ZFHX3: variants seen among roughly 807,000 people sequenced by gnomAD.
ZFHX3 encodes zinc finger homeobox 3.
A neutral mutation model predicts 279.1 loss-of-function variants in ZFHX3; 42 were observed. The observed-to-expected ratio is 0.15, with a 90% CI of 0.12 to 0.19. The LOEUF is 0.19. Ranked by LOEUF, ZFHX3 falls within the 10% of genes least tolerant of loss-of-function variation. ZFHX3 has a pLI of 1.00. For synonymous variants in ZFHX3, 2,293 were observed against 1,957.8 expected (o/e 1.17, Z -4.52); for missense variants, 4,981 against 4,754.0 (o/e 1.05, Z -1.40).
intron 2 of ZFHX3, among the ~76,000 whole-genome samples, chr16:72,952,034 T>C (rs151023397): frequency 6.6e-6 from 1 of 152,222 alleles, no homozygotes; most frequent in African/African-American, 2.4e-5. Context: ...GCAGATCACC[T>C]GAGCTTAGGA....
At chr16:73,803,664 T>C (rs1960197194) in intron 1 of ZFHX3, among the ~76,000 whole-genome samples, 1 of 152,236 alleles carries the variant, frequency 6.6e-6, no homozygotes. Context: ...TGGGTGTCTA[T>C]ATTTTGTTAG....
At chr16:73,557,094 CAA>C (rs397766441) in intron 2 of ZFHX3, among the ~76,000 whole-genome samples, 65 of 68,526 alleles carry the variant, frequency 9.5e-4, no homozygotes, top group African/African-American at 4.6e-3. Context: ...GACTCCGTCT[CAA>C]AAAAAAAAAA....
At chr16:73,093,043 C>T (rs1359546029) in intron 8 of ZFHX3, 1 of 519,942 alleles carries the variant, frequency 1.9e-6, no homozygotes, top group East Asian at 5.5e-5. Context: ...TTTCAAACAT[C>T]TCTCTAACAT....
chr16:73,450,162 G>A (rs1427688956), intron 3 of ZFHX3, among the ~76,000 whole-genome samples: 3 of 152,084 alleles, frequency 2.0e-5, no homozygotes, highest in African/African-American at 7.2e-5. Context: ...TGTTTGCTGG[G>A]GGTGAAGGTA....
At chr16:73,883,710 T>C (rs2030254047) in intron 1 of ZFHX3, among the ~76,000 whole-genome samples, 1 of 151,846 alleles carries the variant, frequency 6.6e-6, no homozygotes, top group Non-Finnish European at 1.5e-5. Flanking sequence ...TGAATATTTT[T>C]ATAAAAAAGA....
rs148024459 is a variant in ZFHX3, at chr16:72,957,445, C to A, written c.2701G>T (p.Ala901Ser). The change falls in exon 2 of 10, where the codon GCC becomes TCC. Residue 901 changes from alanine to serine, a missense_variant. This residue lies in a region of ZFHX3 where 1,751 missense variants were observed against 1,770.0 expected (regional missense o/e 0.99). Transcript: ENST00000268489. ...FQLDPAGPMA[A>S]MTPALVGGEI... ...TCCTCACCTAGAGCAGGCGTCATGG[C>A]GGCCATGGGCCCGGCGGGATCCAGC... The A allele has an allele frequency of 1.6e-5, 25 of 1,609,870 alleles. No individual in the cohort carries two copies. The Admixed American group carries it at 2.9e-4, about 18-fold the overall frequency.
At position 72,889,831 on chromosome 16, in the gene ZFHX3, C is replaced by G. The variant is rs1567567385; in HGVS notation, c.3348G>C (p.Glu1116Asp). ...HVRSMKHQRS[E>D]SLRKLQRLQK... ...GCAGCCGCTGCAGCTTTCGCAGGCT[C>G]TCGCTTCGCTGGTGCTTCATGGAGC... Residue 1116 changes from glutamate to aspartate, a missense_variant, in exon 4 of 10, where the codon GAG becomes GAC. Physicochemically the swap from Glu to Asp is conservative, Grantham distance 45. Coordinates refer to ENST00000268489, the MANE Select transcript of ZFHX3 (RefSeq NM_006885.4). The G allele has an allele frequency of 1.9e-6, 3 of 1,614,066 alleles. No homozygotes were observed. In the East Asian group the frequency reaches 6.7e-5, roughly 36 times the overall value.
At chr16:73,130,244 T>C (rs1966653863) in intron 7 of ZFHX3, among the ~76,000 whole-genome samples, 1 of 152,084 alleles carries the variant, frequency 6.6e-6, no homozygotes, top group Non-Finnish European at 1.5e-5. Context: ...TGGAAAATTT[T>C]TGGTGGAGGG....
At chr16:73,140,478 G>A (rs981252392) in intron 6 of ZFHX3, among the ~76,000 whole-genome samples, 1 of 152,046 alleles carries the variant, frequency 6.6e-6, no homozygotes, top group African/African-American at 2.4e-5. Flanking sequence ...CTGGAGTTCG[G>A]GTTAAAGGTT....
At chr16:73,028,341 G>A (rs1964583909) in intron 1 of ZFHX3, among the ~76,000 whole-genome samples, 1 of 152,202 alleles carries the variant, frequency 6.6e-6, no homozygotes, top group African/African-American at 2.4e-5. Flanking sequence ...CAAGGTGCCG[G>A]ACAGTTGTTC....
chr16:72,787,226 C>G lies in ZFHX3; in HGVS notation c.11050G>C (p.Asp3684His), dbSNP rs747085182. The G allele has an allele frequency of 6.2e-7, 1 of 1,613,898 alleles. No homozygotes were observed. The highest frequency in any genetic ancestry group is 8.5e-7 in the Non-Finnish European group (1 of 1,180,006). The part of the protein sequence containing the change: ...GPASPVEGPK[D>H]PSCPKDSGLT... ...CCACTGTCCTTGGGGCAGCTGGGGT[C>G]TTTGGGACCCTCCACCGGGCTCGCC... The change falls in exon 10 of 10, where the codon GAC becomes CAC. Residue 3684 changes from aspartate (D) to histidine (H), a missense_variant. Physicochemically the swap from Asp to His is moderately conservative, Grantham distance 81. Coordinates refer to ENST00000268489, the MANE Select transcript of ZFHX3 (RefSeq NM_006885.4).
rs550634098 is a variant in ZFHX3 at position 73,662,946 on chromosome 16, C to T, written c.-1547+17234G>A. 2.0e-4 allele frequency among the ~76,000 whole-genome samples: 31 copies of T among 152,188 alleles called. No individual in the cohort carries two copies. In the South Asian group the frequency reaches 6.0e-3, roughly 30 times the overall value. Reference sequence around the variant, plus strand: ...GATATAAATGCAGATATTTATAAAGCAGTGAGAGATTTGTAAATCTTTCTT... The same window carrying T: ...GATATAAATGCAGATATTTATAAAGTAGTGAGAGATTTGTAAATCTTTCTT... On this transcript the variant is annotated intron_variant, in intron 2 of 17. Transcript: ENST00000641206.
chr16:73,361,386 GA>G (rs1338800125), intron 3 of ZFHX3, among the ~76,000 whole-genome samples: 1 of 152,244 alleles, frequency 6.6e-6, no homozygotes, highest in Non-Finnish European at 1.5e-5. Flanking sequence ...TGAGCGATGA[GA>G]GAGAAAACGT....
chr16:73,520,285 T>C (rs760229579), intron 2 of ZFHX3, among the ~76,000 whole-genome samples: 5 of 152,250 alleles, frequency 3.3e-5, no homozygotes, highest in Non-Finnish European at 5.9e-5. Context: ...GAACTTTCCA[T>C]AAATTGCACC....
chr16:73,485,978 G>T (rs1248642131), intron 2 of ZFHX3, among the ~76,000 whole-genome samples: 1 of 152,154 alleles, frequency 6.6e-6, no homozygotes, highest in African/African-American at 2.4e-5. Flanking sequence ...CACCTCTCTT[G>T]TTCATCAATG....
chr16:73,887,863 A>T (rs936926324), intron 1 of ZFHX3, among the ~76,000 whole-genome samples: 34 of 143,230 alleles, frequency 2.4e-4, no homozygotes, highest in East Asian at 3.9e-4. Flanking sequence ...AATTTTTTTT[A>T]AAAAAACAAA....
chr16:73,739,131 C>T (rs934079015), intron 1 of ZFHX3, among the ~76,000 whole-genome samples: 12 of 152,312 alleles, frequency 7.9e-5, no homozygotes, highest in Non-Finnish European at 1.8e-4. Flanking sequence ...CTCTCCAATG[C>T]CTAGACAACT....
At chr16:73,149,597 T>C (rs1304731844) in intron 5 of ZFHX3, among the ~76,000 whole-genome samples, 1 of 152,202 alleles carries the variant, frequency 6.6e-6, no homozygotes, top group Non-Finnish European at 1.5e-5. Flanking sequence ...TTTATTGCTC[T>C]ACATCTTCTG....
chr16:73,680,414 T>C (rs537089739), intron 1 of ZFHX3, among the ~76,000 whole-genome samples: 22 of 152,336 alleles, frequency 1.4e-4, no homozygotes, highest in African/African-American at 4.6e-4. Context: ...CGAATGAATG[T>C]TGACTGTTTC....
Sources: allele counts gnomAD v4.1 joint callset (sites outside exome capture counted in the v4.1 genomes callset), GRCh38; gene constraint gnomAD v4.1.1; regional missense constraint gnomAD v4.1.1; transcripts MANE v1.5; gene names NCBI Gene and HGNC (gene_info 2026-07-23, HGNC 2026-07-21).